The following KMO variants were observed in gnomAD, a reference collection of about 807,000 sequenced individuals.
The protein encoded by KMO is kynurenine 3-monooxygenase.
A neutral mutation model predicts 57.8 loss-of-function variants in KMO; 24 were observed. The observed-to-expected ratio is 0.42, with a 90% CI of 0.30 to 0.58. KMO has a LOEUF of 0.58. KMO is among the 20% of genes least tolerant of loss of function. The probability of loss-of-function intolerance (pLI) is 0.22; values close to 1 mark genes in which losing one functional copy is unlikely to be tolerated. For missense variants in KMO, 483 were observed against 588.2 expected, an observed-to-expected ratio of 0.82 and a Z score of 1.85; for synonymous variants, 210 against 193.6, an observed-to-expected ratio of 1.08 and a Z score of -0.70.
chr1:241,548,755 T>C, intron 1 of KMO, 74 bp from the exon 2 acceptor site: 1 of 850,308 alleles, frequency 1.2e-6, no homozygotes, highest in Non-Finnish European at 1.9e-6. Context: ...CCTCACATGA[T>C]GTTTCATTTT....
At chr1:241,557,272 A>G (rs1426621818) in intron 5 of KMO, among the ~76,000 whole-genome samples, 1 of 152,210 alleles carries the variant, frequency 6.6e-6, no homozygotes, top group Non-Finnish European at 1.5e-5. Context: ...GTCTAAGCCT[A>G]CACTGTAGTT....
intron 11 of KMO, among the ~76,000 whole-genome samples, chr1:241,588,296 GAATTCCA>G (rs1663091589): frequency 6.8e-6 from 1 of 146,378 alleles, no homozygotes; most frequent in African/African-American, 2.5e-5. Context: ...AGAGATCATA[GAATTCCA>G]GGACAAATTT....
At chr1:241,589,700 A>C (rs1663168759) in intron 12 of KMO, among the ~76,000 whole-genome samples, 1 of 152,190 alleles carries the variant, frequency 6.6e-6, no homozygotes, top group African/African-American at 2.4e-5. Flanking sequence ...AATTAGACAA[A>C]TCTTTGAGCT....
intron 6 of KMO, 78 bp from the exon 7 acceptor site, chr1:241,562,089 C>A: frequency 7.9e-7 from 1 of 1,259,090 alleles, no homozygotes; most frequent in Admixed American, 2.1e-5. Context: ...GGAGCCACTA[C>A]TTCTCATACC....
At chr1:241,587,619 T>G (rs1325360296) in intron 11 of KMO, among the ~76,000 whole-genome samples, 1 of 152,180 alleles carries the variant, frequency 6.6e-6, no homozygotes, top group Non-Finnish European at 1.5e-5. Flanking sequence ...AATTTTTGTA[T>G]TTTTAGTAGA....
At chr1:241,586,845 T>C in intron 11 of KMO, 109 bp downstream of exon 11, 1 of 767,764 alleles carries the variant, frequency 1.3e-6, no homozygotes, top group Non-Finnish European at 2.2e-6. Context: ...ATGTATATTA[T>C]CTCCCCAGGA....
intron 10 of KMO, among the ~76,000 whole-genome samples, chr1:241,583,377 C>T (rs1662831620): frequency 6.6e-6 from 1 of 152,174 alleles, no homozygotes; most frequent in South Asian, 2.1e-4. Flanking sequence ...TCATTGCCTT[C>T]AAGGCAGAAA....
At chr1:241,560,298 T>C (rs1661787356) in intron 5 of KMO, among the ~76,000 whole-genome samples, 1 of 152,180 alleles carries the variant, frequency 6.6e-6, no homozygotes, top group Admixed American at 6.5e-5. Context: ...GGAAAGGAGT[T>C]TGACTGAATA....
chr1:241,571,065 T>G (rs907814499), intron 10 of KMO, among the ~76,000 whole-genome samples: 1 of 152,144 alleles, frequency 6.6e-6, no homozygotes, highest in Non-Finnish European at 1.5e-5. Flanking sequence ...CCTTCCTGGT[T>G]TCTTTTTCAG....
intron 4 of KMO, among the ~76,000 whole-genome samples, chr1:241,554,227 T>TTTCCTTCCTTCCTTCCTTCCTTCC (rs59290477): frequency 2.2e-4 from 29 of 132,122 alleles, no homozygotes; most frequent in African/African-American, 4.6e-4. Flanking sequence ...AATACTTTTC[T>TTTCCTTCCTTCCTTCCTTCCTTCC]TTCCTTCCTT....
intron 1 of KMO, among the ~76,000 whole-genome samples, chr1:241,534,162 A>C (rs2147935373): frequency 6.6e-6 from 1 of 152,366 alleles, no homozygotes; most frequent in South Asian, 2.1e-4. Context: ...TGATTTTAAA[A>C]GGTCCCTTGG....
chr1:241,590,976 G>A (rs895382914), intron 14 of KMO, among the ~76,000 whole-genome samples: 2 of 152,192 alleles, frequency 1.3e-5, no homozygotes, highest in African/African-American at 4.8e-5. Flanking sequence ...AATGGTCAGA[G>A]GGTGGAGGCG....
chr1:241,539,895 G>T (rs574398192), intron 1 of KMO, among the ~76,000 whole-genome samples: 1 of 152,128 alleles, frequency 6.6e-6, no homozygotes, highest in Non-Finnish European at 1.5e-5. Flanking sequence ...CAAAAGAAAC[G>T]TGTATGCGTC....
intron 4 of KMO, among the ~76,000 whole-genome samples, chr1:241,552,500 G>A (rs1661444636): frequency 6.6e-6 from 1 of 152,070 alleles, no homozygotes; most frequent in Non-Finnish European, 1.5e-5. Context: ...CCATGACTCC[G>A]GGATTTCTTC....
intron 10 of KMO, among the ~76,000 whole-genome samples, chr1:241,570,925 T>C (rs759872566): frequency 3.5e-4 from 54 of 152,132 alleles, no homozygotes; most frequent in Non-Finnish European, 6.9e-4. Context: ...GCATGGAATA[T>C]CTTTCCTTTT....
chr1:241,570,074 G>A (rs1289796526), intron 10 of KMO, among the ~76,000 whole-genome samples: 2 of 151,868 alleles, frequency 1.3e-5, no homozygotes, highest in Non-Finnish European at 2.9e-5. Flanking sequence ...TTTTAAATTG[G>A]ATTATTCGTT....
At chr1:241,564,376 A>G (rs1661997182) in intron 7 of KMO, among the ~76,000 whole-genome samples, 1 of 152,114 alleles carries the variant, frequency 6.6e-6, no homozygotes, top group South Asian at 2.1e-4. Flanking sequence ...TCAGGCTGTT[A>G]TTGTATTAAT....
chr1:241,561,424 C>T lies in KMO; in HGVS notation c.449+672C>T, dbSNP rs148619055. ...ATTCATGATGTGTTCTTTCCCCTGT[C>T]CTCTCCCATTAAATCTATAACACTC... On this transcript the variant is annotated intron_variant, in intron 6 of 14. Transcript: ENST00000366559. Among the ~76,000 whole-genome samples the T allele has an allele frequency of 2.5e-3, 378 of 152,280 alleles. 2 individuals are homozygous for T. Among genetic ancestry groups the T allele is most frequent in the African/African-American group, 8.6e-3 (357 of 41,566 alleles).
chr1:241,551,132 C>T (rs754674320), intron 4 of KMO, 88 bp downstream of exon 4: 1 of 740,400 alleles, frequency 1.4e-6, no homozygotes. Flanking sequence ...CCTCTCTCTC[C>T]AGCCCTATCT....
Sources: gnomAD v4.1 joint callset for allele counts (sites outside exome capture counted in the v4.1 genomes callset) on GRCh38, gnomAD v4.1.1 for gene constraint, MANE v1.5 for transcripts, NCBI Gene and HGNC (gene_info 2026-07-23, HGNC 2026-07-21) for gene names.